SVIL: variants seen among roughly 807,000 people sequenced by gnomAD.
SVIL encodes archvillin.
Under a neutral mutation model 240.4 loss-of-function variants are expected in SVIL, and 101 were observed. The ratio of observed to expected loss-of-function variants is 0.42; its 90% CI spans 0.36 to 0.50. The LOEUF (loss-of-function observed/expected upper bound fraction) is 0.50, where lower values mean the gene tolerates loss of function less well. SVIL is among the 20% of genes least tolerant of loss of function. The pLI is 0.01. For synonymous variants in SVIL, 999 were observed against 1,100.0 expected, an observed-to-expected ratio of 0.91 and a Z score of 1.82; for missense variants, 2,512 against 2,818.7, an observed-to-expected ratio of 0.89 and a Z score of 2.46.
intron 1 of SVIL, among the ~76,000 whole-genome samples, chr10:29,700,603 T>C (rs999806277): frequency 4.0e-5 from 6 of 151,762 alleles, no homozygotes; most frequent in Non-Finnish European, 7.4e-5. Context: ...CCTGAGTAGC[T>C]GGGACTACAG....
chr10:29,469,231 T>C (rs939451840), intron 32 of SVIL: 2 of 152,174 alleles, frequency 1.3e-5, no homozygotes, highest in Non-Finnish European at 2.9e-5. Flanking sequence ...TTCTCACCCC[T>C]CCCCGTGCCC....
At chr10:29,602,614 T>C (rs1271344635) in intron 1 of SVIL, among the ~76,000 whole-genome samples, 1 of 152,252 alleles carries the variant, frequency 6.6e-6, no homozygotes. Context: ...ACTGCAGCTT[T>C]CAAGTGGCTT....
chr10:29,482,809 A>T (rs1947032559), intron 27 of SVIL: 1 of 152,312 alleles, frequency 6.6e-6, no homozygotes, highest in Non-Finnish European at 1.5e-5. Flanking sequence ...CTGGAATAAC[A>T]TGCACGATCT....
At chr10:29,508,299 C>G in intron 17 of SVIL, 1 of 1,247,384 alleles carries the variant, frequency 8.0e-7, no homozygotes, top group Non-Finnish European at 1.1e-6. Flanking sequence ...AAGTGTAATT[C>G]TGGCCACCAT....
intron 5 of SVIL, among the ~76,000 whole-genome samples, chr10:29,553,748 C>T (rs937696993): frequency 1.3e-5 from 2 of 152,198 alleles, no homozygotes; most frequent in African/African-American, 2.4e-5. Context: ...AGCTGAGTCA[C>T]GTGCACTCAA....
At chr10:29,704,759 C>G (rs1448767098) in intron 1 of SVIL, among the ~76,000 whole-genome samples, 1 of 152,158 alleles carries the variant, frequency 6.6e-6, no homozygotes, top group Non-Finnish European at 1.5e-5. Context: ...ACCTGTTCAA[C>G]GTCACTGCCC....
intron 1 of SVIL, among the ~76,000 whole-genome samples, chr10:29,722,222 TAA>T (rs367974093): frequency 2.0e-4 from 24 of 117,714 alleles, no homozygotes; most frequent in Non-Finnish European, 2.7e-4. Flanking sequence ...GACTCTGTCT[TAA>T]AAAAAAAAAA....
At chr10:29,658,063 C>G (rs944022821) in exon 3 of SVIL, 2 of 151,926 alleles carry the variant, frequency 1.3e-5, no homozygotes, top group Admixed American at 1.3e-4. Context: ...TCCACTTGAA[C>G]TCTCTCTGAA....
chr10:29,572,691 G>A (rs1176432630), intron 1 of SVIL, among the ~76,000 whole-genome samples: 1 of 149,516 alleles, frequency 6.7e-6, no homozygotes, highest in African/African-American at 2.5e-5. Context: ...TTGAGCCTGG[G>A]AGGTCGAGGC....
intron 34 of SVIL, among the ~76,000 whole-genome samples, chr10:29,464,722 CAT>C (rs1418421966): frequency 1.3e-5 from 2 of 152,178 alleles, no homozygotes; most frequent in Non-Finnish European, 2.9e-5. Context: ...CCAAGCATGA[CAT>C]GTGCACTGGG....
chr10:29,605,377 C>A (rs1018634103), intron 1 of SVIL, among the ~76,000 whole-genome samples: 1 of 152,214 alleles, frequency 6.6e-6, no homozygotes, highest in Admixed American at 6.5e-5. Context: ...CCGTCTCCCC[C>A]CAGCCTCAGC....
chr10:29,481,574 G>C lies in SVIL; in HGVS notation c.5100+10C>G. ...AAGCCCCGAGTTTTGAGGCTTGGTC[G>C]CCGGAATACCTTGTGCTGGGCAAGT... On this transcript the variant is annotated intron_variant, in intron 28 of 37. Transcript: ENST00000355867. The C allele has an allele frequency of 6.2e-7, 1 of 1,612,432 alleles. No homozygotes were observed. Among genetic ancestry groups the C allele is most frequent in the African/African-American group, 1.3e-5 (1 of 74,796 alleles).
intron 9 of SVIL, 49 bp downstream of exon 9, chr10:29,531,953 T>C (rs1238652835): frequency 1.2e-6 from 2 of 1,601,104 alleles, no homozygotes; most frequent in Admixed American, 1.7e-5. Flanking sequence ...AAAACTCCTG[T>C]GTCATTGCCA....
intron 1 of SVIL, among the ~76,000 whole-genome samples, chr10:29,695,753 A>C (rs1157248429): frequency 1.3e-5 from 2 of 151,786 alleles, no homozygotes; most frequent in Non-Finnish European, 2.9e-5. Flanking sequence ...CAAAAAAATA[A>C]ATAAAATAAA....
rs377692697 is a variant in SVIL, at chr10:29,532,493, G to A, written c.1838+36C>T. 23 of 1,571,762 alleles carry A rather than the reference G, an allele frequency of 1.5e-5. No individual in the cohort carries two copies. The African/African-American group carries it at 2.6e-4, about 18-fold the overall frequency. Reference sequence around the variant, plus strand: ...GAATCATTCTGCCAGGGACGTGCAAGTGACACAGCTGGAGGGCGTGTGAAG... The same window carrying A: ...GAATCATTCTGCCAGGGACGTGCAAATGACACAGCTGGAGGGCGTGTGAAG... On this transcript the variant is annotated intron_variant, in intron 8 of 37. Transcript: ENST00000355867.
intron 1 of SVIL, among the ~76,000 whole-genome samples, chr10:29,589,964 A>G (rs1956321050): frequency 6.6e-6 from 1 of 151,824 alleles, no homozygotes; most frequent in South Asian, 2.1e-4. Context: ...GTCAGGAGTG[A>G]AGACCAGCCT....
At chr10:29,583,858 T>C (rs1175752053) in intron 1 of SVIL, among the ~76,000 whole-genome samples, 1 of 152,156 alleles carries the variant, frequency 6.6e-6, no homozygotes, top group Admixed American at 6.5e-5. Context: ...CAAGACACGT[T>C]TATGCGTGGG....
intron 1 of SVIL, chr10:29,575,404 C>T (rs1955648557): frequency 4.6e-6 from 1 of 216,078 alleles, no homozygotes; most frequent in Non-Finnish European, 9.9e-6. Flanking sequence ...AATTGTGAGA[C>T]AAGAAGTTTG....
Position 29,480,698 on chromosome 10 carries a change from A to AC in SVIL, c.5215dup (p.Val1739GlyfsTer10). On this transcript the variant is annotated frameshift_variant, in exon 29 of 38. Transcript: ENST00000355867. LOFTEE classifies it high-confidence loss of function. The stretch of plus-strand genomic sequence containing the variant: ...AAACTGCCTCCTGTCGTGTCCTTCC[A>AC]CCAGGCCATAGCCACGGCCGACGTT... 6.2e-7 allele frequency: 1 copy of AC among 1,613,996 alleles called. No individual in the cohort carries two copies. Among genetic ancestry groups the AC allele is most frequent in the Non-Finnish European group, 8.5e-7 (1 of 1,179,986 alleles).
Sources: gnomAD v4.1 joint callset for allele counts (sites outside exome capture counted in the v4.1 genomes callset) on GRCh38, gnomAD v4.1.1 for gene constraint, MANE v1.5 for transcripts, NCBI Gene and HGNC (gene_info 2026-07-23, HGNC 2026-07-21) for gene names.